GRID2: variants seen among roughly 807,000 people sequenced by gnomAD.
GRID2 encodes glutamate ionotropic receptor delta type subunit 2, also known as glutamate receptor ionotropic, delta-2.
Under a neutral mutation model 114.8 loss-of-function variants are expected in GRID2, and 33 were observed. The ratio of observed to expected loss-of-function variants is 0.29; its 90% CI spans 0.22 to 0.38. The LOEUF is 0.38. Among genes scored for constraint, GRID2 ranks in the 10% least tolerant of loss-of-function variants. The pLI is 1.00. For synonymous variants in GRID2, 505 were observed against 449.9 expected (o/e 1.12, Z -1.55); for missense variants, 1,184 against 1,257.7 (o/e 0.94, Z 0.89).
intron 2 of GRID2, among the ~76,000 whole-genome samples, chr4:92,678,619 T>C (rs1267921143): frequency 6.6e-6 from 1 of 151,714 alleles, no homozygotes. Flanking sequence ...TTGGTGTTAC[T>C]TTTTTTAAAA....
intron 4 of GRID2, among the ~76,000 whole-genome samples, chr4:93,158,814 A>G (rs1229301747): frequency 1.3e-5 from 2 of 151,800 alleles, no homozygotes; most frequent in Non-Finnish European, 2.9e-5. Flanking sequence ...GAAGAGGTTT[A>G]CACCAACAGA....
intron 2 of GRID2, among the ~76,000 whole-genome samples, chr4:92,810,458 G>T (rs778489878): frequency 6.6e-6 from 1 of 151,826 alleles, no homozygotes; most frequent in African/African-American, 2.4e-5. Flanking sequence ...AAAACTACTT[G>T]TACCCCTGAA....
chr4:92,452,897 A>G (rs548373651), intron 1 of GRID2, among the ~76,000 whole-genome samples: 31 of 148,526 alleles, frequency 2.1e-4, no homozygotes, highest in African/African-American at 7.1e-4. Context: ...TTTACCATAT[A>G]TATATATGTA....
chr4:93,160,686 A>G (rs148014898), intron 4 of GRID2, among the ~76,000 whole-genome samples: 41 of 151,898 alleles, frequency 2.7e-4, no homozygotes, highest in African/African-American at 8.4e-4. Flanking sequence ...TTAATGGGAT[A>G]AAATATGGGT....
intron 2 of GRID2, among the ~76,000 whole-genome samples, chr4:92,814,097 C>G (rs981955287): frequency 1.3e-5 from 2 of 152,080 alleles, no homozygotes; most frequent in African/African-American, 4.8e-5. Flanking sequence ...CTGATACTTT[C>G]ATTTTCTGTT....
intron 11 of GRID2, among the ~76,000 whole-genome samples, chr4:93,468,553 G>C (rs918554354): frequency 6.6e-6 from 1 of 152,038 alleles, no homozygotes; most frequent in Admixed American, 6.6e-5. Flanking sequence ...ATACTTTATA[G>C]ATAGATATCT....
chr4:92,827,643 T>C (rs980536488), intron 2 of GRID2, among the ~76,000 whole-genome samples: 2 of 152,066 alleles, frequency 1.3e-5, no homozygotes, highest in Non-Finnish European at 2.9e-5. Flanking sequence ...AGCCATTTCA[T>C]GGCAGTGACT....
chr4:92,403,918 A>C (rs1730911624), intron 1 of GRID2, among the ~76,000 whole-genome samples: 1 of 152,086 alleles, frequency 6.6e-6, no homozygotes, highest in Admixed American at 6.6e-5. Flanking sequence ...TTATCTATTA[A>C]GTTTACTGTC....
intron 1 of GRID2, among the ~76,000 whole-genome samples, chr4:92,383,836 T>C (rs1205657863): frequency 1.3e-5 from 2 of 151,900 alleles, no homozygotes; most frequent in Admixed American, 6.6e-5. Context: ...AAAATTAGCT[T>C]CATGATATTT....
intron 2 of GRID2, among the ~76,000 whole-genome samples, chr4:93,077,443 C>T (rs988502109): frequency 2.0e-5 from 3 of 152,076 alleles, no homozygotes; most frequent in African/African-American, 7.2e-5. Flanking sequence ...ATTTTCTGGA[C>T]TATATTAAAT....
chr4:92,423,832 G>A (rs1291904344), intron 1 of GRID2, among the ~76,000 whole-genome samples: 1 of 151,934 alleles, frequency 6.6e-6, no homozygotes, highest in East Asian at 1.9e-4. Flanking sequence ...ATGAAGATGA[G>A]CTGCAGATTT....
At chr4:92,763,164 G>T (rs933872270) in intron 2 of GRID2, among the ~76,000 whole-genome samples, 1 of 152,142 alleles carries the variant, frequency 6.6e-6, no homozygotes, top group African/African-American at 2.4e-5. Flanking sequence ...TAATGAGCTA[G>T]AGTGAACTTA....
At position 93,161,734 on chromosome 4, in the gene GRID2, T is replaced by G. The variant is rs1007010066; in HGVS notation, c.736-45670T>G. Among the ~76,000 whole-genome samples the G allele has an allele frequency of 7.9e-5, 12 of 151,908 alleles. No homozygotes were observed. The East Asian group carries it at 2.3e-3, about 29-fold the overall frequency. On this transcript the variant is annotated intron_variant, in intron 4 of 15. Coordinates refer to ENST00000282020, the MANE Select transcript of GRID2 (RefSeq NM_001510.4). ...TGAAACTATCATCTCCAATTCCAGT[T>G]TGCCTTATAAGTTTTATTTTTAATA...
intron 1 of GRID2, among the ~76,000 whole-genome samples, chr4:92,324,596 GACACACACAC>G (rs34621988): frequency 6.7e-6 from 1 of 148,154 alleles, no homozygotes; most frequent in Non-Finnish European, 1.5e-5. Flanking sequence ...CATACATACA[GACACACACAC>G]ACACACACAC....
chr4:93,374,622 T>C (rs1179710447), intron 8 of GRID2, among the ~76,000 whole-genome samples: 1 of 152,154 alleles, frequency 6.6e-6, no homozygotes, highest in South Asian at 2.1e-4. Context: ...ATCCCCCCCA[T>C]AGAGCTCTCC....
rs541212418 is a variant in GRID2 at position 92,800,374 on chromosome 4, C to A, written c.244+210088C>A. Reference sequence around the variant, plus strand: ...TCAGCAAAGCAACTCGAAGAGGTAGCCTTGGGATAAGAAATAAAAATATTG... The same window carrying A: ...TCAGCAAAGCAACTCGAAGAGGTAGACTTGGGATAAGAAATAAAAATATTG... On this transcript the variant is annotated intron_variant, in intron 2 of 15. Coordinates refer to ENST00000282020, the MANE Select transcript of GRID2 (RefSeq NM_001510.4). Among the ~76,000 whole-genome samples, 35 of 151,686 alleles carry A rather than the reference C, an allele frequency of 2.3e-4. 1 individual carries two copies. The highest frequency in any genetic ancestry group is 3.6e-4 in the African/African-American group (15 of 41,394).
At chr4:92,569,737 T>C (rs1727518452) in intron 1 of GRID2, among the ~76,000 whole-genome samples, 1 of 152,036 alleles carries the variant, frequency 6.6e-6, no homozygotes, top group Non-Finnish European at 1.5e-5. Flanking sequence ...TTGATCTTTT[T>C]TCATGTTTTT....
chr4:92,985,513 A>C (rs1754464382), intron 2 of GRID2, among the ~76,000 whole-genome samples: 1 of 152,132 alleles, frequency 6.6e-6, no homozygotes, highest in African/African-American at 2.4e-5. Flanking sequence ...CTGGGATTAC[A>C]GGCGTAAGCC....
At chr4:93,781,418 C>T (rs1000552555) in intron 1 of GRID2, among the ~76,000 whole-genome samples, 4 of 148,540 alleles carry the variant, frequency 2.7e-5, no homozygotes, top group Admixed American at 6.7e-5. Flanking sequence ...TACTGGGCTG[C>T]GGTGAGGGGC....
Sources: allele counts gnomAD v4.1 joint callset (sites outside exome capture counted in the v4.1 genomes callset), GRCh38; gene constraint gnomAD v4.1.1; transcripts MANE v1.5; gene names NCBI Gene and HGNC (gene_info 2026-07-23, HGNC 2026-07-21).